Variants in ZFPL1 observed in about 807,000 individuals in gnomAD.
ZFPL1 encodes zinc finger protein-like 1.
A neutral mutation model predicts 32.0 loss-of-function variants in ZFPL1; 28 were observed. That is an observed-to-expected ratio of 0.87 (90% CI 0.65 to 1.20). The LOEUF (loss-of-function observed/expected upper bound fraction) is 1.20, where lower values mean the gene tolerates loss of function less well. Ranked by LOEUF, ZFPL1 falls within the 50% of genes most tolerant of loss-of-function variation. The pLI is 0.00. For synonymous variants in ZFPL1, 165 were observed against 177.0 expected (o/e 0.93, Z 0.54); for missense variants, 386 against 424.8 (o/e 0.91, Z 0.80).
Position 65,084,386 on chromosome 11 carries a change from G to C in ZFPL1, c.-9+8G>C, listed in dbSNP as rs538193672. ...GTAAACACAGAGACTGGGGTCTGTA[G>C]AGAAGGGGCGGGACTTGGAGGGGGT... On this transcript the variant is annotated splice_region_variant and intron_variant, in intron 1 of 7. Transcript: ENST00000294258. 447 of 478,732 alleles carry C rather than the reference G, an allele frequency of 9.3e-4. 4 individuals are homozygous for C. Among genetic ancestry groups the C allele is most frequent in the South Asian group, 7.9e-3 (341 of 43,232 alleles). 29.7% of individuals were successfully genotyped at this position (478,732 alleles called of 1,614,324 possible).
In ZFPL1 at chr11:65,084,244, A is replaced by G; in HGVS notation, c.-143A>G. ...GGAAGAGACGTGGCAGCGGAGGGAT[A>G]ATCGGGGCGGCCGGGGCTGAAGGGA... On this transcript the variant is annotated 5_prime_UTR_variant, in exon 1 of 8. The change creates a new upstream start codon in the 5' untranslated region. Transcript: ENST00000294258. 1 of 575,752 alleles carries G rather than the reference A, an allele frequency of 1.7e-6. No individual in the cohort carries two copies. The highest frequency in any genetic ancestry group is 3.1e-6 in the Non-Finnish European group (1 of 324,970). The allele number at this position is 575,752 out of a possible 1,614,324, so 35.7% of individuals were successfully genotyped here. A position where few individuals can be genotyped will look rare whatever the true frequency, so the allele number is the denominator to read the frequency against.
chr11:65,087,115 A>G, intron 6 of ZFPL1, 41 bp downstream of exon 6: 1 of 1,596,240 alleles, frequency 6.3e-7, no homozygotes, highest in Non-Finnish European at 8.6e-7. Context: ...GGATAGGAAG[A>G]GGGTGGAATG....
intron 6 of ZFPL1, 34 bp downstream of exon 6, chr11:65,087,108 T>C (rs1209327723): frequency 6.2e-7 from 1 of 1,601,118 alleles, no homozygotes; most frequent in Non-Finnish European, 8.5e-7. Flanking sequence ...CGCAGAAGGA[T>C]AGGAAGAGGG....
intron 3 of ZFPL1, chr11:65,086,004 T>C (rs1441499213): frequency 4.0e-6 from 1 of 250,766 alleles, no homozygotes; most frequent in African/African-American, 2.3e-5. Context: ...TGTTTGATTA[T>C]GTGCTTATAA....
Position 65,084,275 on chromosome 11 carries a change from G to T in ZFPL1, c.-112G>T, listed in dbSNP as rs972564327. 4 of 557,474 alleles carry T rather than the reference G, an allele frequency of 7.2e-6. No homozygotes were observed. Among genetic ancestry groups the T allele is most frequent in the Non-Finnish European group, 9.6e-6 (3 of 314,034 alleles). The allele number at this position is 557,474 out of a possible 1,614,324, so 34.5% of individuals were successfully genotyped here. The stretch of plus-strand genomic sequence containing the variant: ...GGCGGCCGGGGCTGAAGGGAGAGGC[G>T]CAGGAGCCCTGGGGAGAGTGGTCCC... On this transcript the variant is annotated 5_prime_UTR_variant, in exon 1 of 8. Coordinates refer to ENST00000294258, the MANE Select transcript of ZFPL1 (RefSeq NM_006782.4).
At position 65,088,290 on chromosome 11, in the gene ZFPL1, C is replaced by T. The variant is rs988369768; in HGVS notation, c.*176C>T. The T allele has an allele frequency of 4.4e-5, 48 of 1,101,040 alleles. No individual in the cohort carries two copies. Among genetic ancestry groups the T allele is most frequent in the African/African-American group, 3.3e-4 (21 of 64,248 alleles). 68.2% of individuals were successfully genotyped at this position (1,101,040 alleles called of 1,614,324 possible). On this transcript the variant is annotated 3_prime_UTR_variant, in exon 8 of 8. Coordinates refer to ENST00000294258, the MANE Select transcript of ZFPL1 (RefSeq NM_006782.4). The stretch of plus-strand genomic sequence containing the variant: ...GGCTGCAGGCCAGGCCTGGAGTCCC[C>T]GTGGGTCAAGCATTTGTCTTGACTT...
Position 65,087,031 on chromosome 11 carries a change from G to A in ZFPL1, c.585G>A (p.Gln195=). ...RPPASPGRPE[Q]HTVIHMGNPE... is the part of the protein sequence containing the mutation. ...CAGCTTCCCCAGGCCGGCCCGAGCA[G>A]CACACAGTGATCCACATGGGCAATC... The change falls in exon 6 of 8, where the codon CAG becomes CAA. Residue 195 remains glutamine (Q), a synonymous_variant. Coordinates refer to ENST00000294258, the MANE Select transcript of ZFPL1 (RefSeq NM_006782.4). 6.2e-7 allele frequency: 1 copy of A among 1,613,920 alleles called. No homozygotes were observed. The highest frequency in any genetic ancestry group is 8.5e-7 in the Non-Finnish European group (1 of 1,179,984).
chr11:65,085,460 T>G (rs1179670130), intron 3 of ZFPL1: 2 of 556,284 alleles, frequency 3.6e-6, no homozygotes, highest in South Asian at 2.0e-5. Flanking sequence ...TCCTAAAAAT[T>G]AAGCCCTGCC....
rs1947648417 is a variant in ZFPL1 at position 65,084,374 on chromosome 11, CTG to C, written c.-12_-11del. The C allele has an allele frequency of 7.6e-6, 3 of 396,214 alleles. No individual in the cohort carries two copies. The highest frequency in any genetic ancestry group is 1.3e-5 in the Non-Finnish European group (3 of 227,276). 24.5% of individuals were successfully genotyped at this position (396,214 alleles called of 1,614,324 possible). A position where few individuals can be genotyped will look rare whatever the true frequency, so the allele number is the denominator to read the frequency against. The stretch of plus-strand genomic sequence containing the variant: ...AGCGGCCGATCAGTAAACACAGAGA[CTG>C]GGGTCTGTAGAGAAGGGGCGGGACT... On this transcript the variant is annotated splice_region_variant and 5_prime_UTR_variant, in exon 1 of 8. Coordinates refer to ENST00000294258, the MANE Select transcript of ZFPL1 (RefSeq NM_006782.4).
chr11:65,086,253 C>G, intron 3 of ZFPL1, 162 bp from the exon 4 acceptor site: 1 of 976,700 alleles, frequency 1.0e-6, no homozygotes, highest in Non-Finnish European at 1.6e-6. Context: ...ATGGTGGTAG[C>G]CAAGAAGACT....
In ZFPL1 at chr11:65,086,891, G is replaced by A. The variant is rs763596298; in HGVS notation, c.482-37G>A. On this transcript the variant is annotated intron_variant, in intron 5 of 7. Coordinates refer to ENST00000294258, the MANE Select transcript of ZFPL1 (RefSeq NM_006782.4). The stretch of plus-strand genomic sequence containing the variant: ...CACATGCTCTACCCCTGAGCTCTAT[G>A]CACTGCTTCTGCTGACGGCTCTCTT... 5.6e-6 allele frequency: 9 copies of A among 1,613,218 alleles called. No individual in the cohort carries two copies. In the South Asian group the frequency reaches 9.9e-5, roughly 18 times the overall value.
chr11:65,086,161 C>T (rs1947677454), intron 3 of ZFPL1: 1 of 576,868 alleles, frequency 1.7e-6, no homozygotes, highest in East Asian at 3.0e-5. Context: ...ATTGAAAGGA[C>T]TGAAAGGGGA....
chr11:65,085,325 C>A, intron 3 of ZFPL1, 99 bp downstream of exon 3: 1 of 1,045,020 alleles, frequency 9.6e-7, no homozygotes. Context: ...GTGAGTCCCC[C>A]GAGTCTCAGA....
Position 65,088,218 on chromosome 11 carries a change from AG to A in ZFPL1, c.*105del, listed in dbSNP as rs1271781457. 7.1e-7 allele frequency: 1 copy of A among 1,407,136 alleles called. No individual in the cohort carries two copies. The highest frequency in any genetic ancestry group is 9.7e-7 in the Non-Finnish European group (1 of 1,031,936). The allele number at this position is 1,407,136 out of a possible 1,614,324, so 87.2% of individuals were successfully genotyped here. A position where few individuals can be genotyped will look rare whatever the true frequency, so the allele number is the denominator to read the frequency against. Reference sequence around the variant, plus strand: ...ACCTCTTCACTGCCCCTCTCCCTCAAGCCTAAGACACTAAGACCCCAGACCC... The same window carrying A: ...ACCTCTTCACTGCCCCTCTCCCTCAACCTAAGACACTAAGACCCCAGACCC... On this transcript the variant is annotated 3_prime_UTR_variant, in exon 8 of 8. Transcript: ENST00000294258.
At chr11:65,085,069 G>A (rs778406674) in intron 2 of ZFPL1, 46 bp from the exon 3 acceptor site, 2 of 1,579,340 alleles carry the variant, frequency 1.3e-6, no homozygotes, top group East Asian at 2.2e-5. Context: ...GGGGTGATAG[G>A]CCGAGCAGCC....
In ZFPL1 at chr11:65,088,358, A is replaced by C; in HGVS notation, c.*244A>C. 7.5e-7 allele frequency: 1 copy of C among 1,325,876 alleles called. No homozygotes were observed. The highest frequency in any genetic ancestry group is 1.4e-5 in the African/African-American group (1 of 69,066). The allele number at this position is 1,325,876 out of a possible 1,614,324, so 82.1% of individuals were successfully genotyped here. On this transcript the variant is annotated 3_prime_UTR_variant, in exon 8 of 8. Coordinates refer to ENST00000294258, the MANE Select transcript of ZFPL1 (RefSeq NM_006782.4). ...CCAGCCTCCGACCCCTCGCCCCATG[A>C]AGGAGCTGGCAGGTGGAAATAAACA...
At chr11:65,087,853 T>A (rs1351429819) in intron 7 of ZFPL1, 75 bp from the exon 8 acceptor site, 4 of 1,439,170 alleles carry the variant, frequency 2.8e-6, no homozygotes, top group Non-Finnish European at 3.7e-6. Flanking sequence ...GAATGGGTGG[T>A]GACCAGGGCT....
chr11:65,087,251 C>T (rs927384231), intron 6 of ZFPL1, 65 bp from the exon 7 acceptor site: 46 of 1,585,046 alleles, frequency 2.9e-5, no homozygotes, highest in African/African-American at 9.4e-5. Context: ...CAGGTGATCC[C>T]CCTAGCCCTC....
intron 3 of ZFPL1, chr11:65,085,529 A>C: frequency 2.2e-6 from 1 of 446,448 alleles, no homozygotes; most frequent in South Asian, 2.2e-5. Flanking sequence ...GGCCGTGACT[A>C]TTAGCTAGCC....
Sources: gnomAD v4.1 joint callset for allele counts on GRCh38, gnomAD v4.1.1 for gene constraint, MANE v1.5 for transcripts, NCBI Gene and HGNC (gene_info 2026-07-23, HGNC 2026-07-21) for gene names.